PARD3B: variants seen among roughly 807,000 people sequenced by gnomAD.
PARD3B encodes the protein partitioning defective 3 homolog B.
PARD3B carries 103 observed loss-of-function variants against 130.2 expected under a neutral mutation model. That is an observed-to-expected ratio of 0.79 (90% confidence interval 0.67 to 0.93). The LOEUF (loss-of-function observed/expected upper bound fraction) is 0.93. PARD3B is among the 40% of genes least tolerant of loss of function. The probability of loss-of-function intolerance (pLI) is 0.00; values close to 1 mark genes in which losing one functional copy is unlikely to be tolerated. For synonymous variants in PARD3B, 583 were observed against 553.2 expected, an observed-to-expected ratio of 1.05 and a Z score of -0.76; for missense variants, 1,609 against 1,499.2, an observed-to-expected ratio of 1.07 and a Z score of -1.21.
Position 205,121,505 on chromosome 2 carries a change from C to A in PARD3B, c.807-86C>A. ...TCTCCTATGATTAGCCACTGTGCTG[C>A]TCTTGGTTGCCATCCTCCTGGGGTA... On this transcript the variant is annotated intron_variant, in intron 7 of 22. Transcript: ENST00000406610. The surrounding 1 kb of genome is among the most constrained non-coding windows in gnomAD (Gnocchi z 5.0). 8.6e-7 allele frequency: 1 copy of A among 1,160,652 alleles called. No individual in the cohort carries two copies. The highest frequency in any genetic ancestry group is 1.3e-6 in the Non-Finnish European group (1 of 796,828). 71.9% of individuals were successfully genotyped at this position (1,160,652 alleles called of 1,614,324 possible). A position where few individuals can be genotyped will look rare whatever the true frequency, so the allele number is the denominator to read the frequency against.
At chr2:205,502,975 G>A (rs1232014990) in intron 21 of PARD3B, among the ~76,000 whole-genome samples, 1 of 151,180 alleles carries the variant, frequency 6.6e-6, no homozygotes, top group African/African-American at 2.4e-5. Flanking sequence ...TTTCATGCCT[G>A]TCTTCTCTCC....
chr2:204,577,555 G>T (rs1413551064), intron 1 of PARD3B, among the ~76,000 whole-genome samples: 2 of 151,946 alleles, frequency 1.3e-5, no homozygotes, highest in African/African-American at 4.8e-5. Flanking sequence ...GTTTTTAAAG[G>T]GTTTTCTCAC....
chr2:205,516,992 C>T (rs1372366146), intron 21 of PARD3B, among the ~76,000 whole-genome samples: 2 of 152,192 alleles, frequency 1.3e-5, no homozygotes, highest in Non-Finnish European at 2.9e-5. Flanking sequence ...TGAATTTTAT[C>T]ATAAACCTTT....
At chr2:205,436,230 A>G (rs1377315768) in intron 19 of PARD3B, among the ~76,000 whole-genome samples, 1 of 152,164 alleles carries the variant, frequency 6.6e-6, no homozygotes, top group Non-Finnish European at 1.5e-5. Flanking sequence ...TAATACTACC[A>G]CAATGGAGAC....
At chr2:204,820,402 A>C (rs1269656118) in intron 2 of PARD3B, among the ~76,000 whole-genome samples, 1 of 151,964 alleles carries the variant, frequency 6.6e-6, no homozygotes, top group African/African-American at 2.4e-5. Flanking sequence ...TATGTAGACA[A>C]AACAGCTCTC....
chr2:205,310,823 A>G (rs1040925509), intron 18 of PARD3B, among the ~76,000 whole-genome samples: 1 of 143,722 alleles, frequency 7.0e-6, no homozygotes, highest in African/African-American at 2.6e-5. Flanking sequence ...TCCCGGGTTC[A>G]AGTGATTCTC....
chr2:205,156,007 C>T (rs1233856290), intron 10 of PARD3B, among the ~76,000 whole-genome samples: 1 of 151,956 alleles, frequency 6.6e-6, no homozygotes, highest in African/African-American at 2.4e-5. Flanking sequence ...GACTTGGAAC[C>T]AACCCAAATG....
chr2:205,213,154 C>G (rs2037734487), intron 15 of PARD3B, among the ~76,000 whole-genome samples: 1 of 152,064 alleles, frequency 6.6e-6, no homozygotes, highest in Non-Finnish European at 1.5e-5. Flanking sequence ...TCTCTCCACT[C>G]TTTTTTAAAT....
Position 205,618,936 on chromosome 2 carries a change from A to G in PARD3B, c.*3123A>G, listed in dbSNP as rs1370345956. 2 of 152,204 alleles carry G rather than the reference A, an allele frequency of 1.3e-5. No homozygotes were observed. The highest frequency in any genetic ancestry group is 1.9e-4 in the East Asian group (1 of 5,194). The allele number at this position is 152,204 out of a possible 1,614,324, so 9.4% of individuals were successfully genotyped here. A position where few individuals can be genotyped will look rare whatever the true frequency, so the allele number is the denominator to read the frequency against. On this transcript the variant is annotated 3_prime_UTR_variant, in exon 23 of 23. Coordinates refer to ENST00000406610, the MANE Select transcript of PARD3B (RefSeq NM_001302769.2). ...ATAGCAAACAAAAATTGAAAAAACAATTATTCTGAAGCTCATTATTCTTAG... is the reference window on the plus strand; with the variant it reads ...ATAGCAAACAAAAATTGAAAAAACAGTTATTCTGAAGCTCATTATTCTTAG...
chr2:205,547,484 GA>G (rs2052428590), intron 21 of PARD3B, among the ~76,000 whole-genome samples: 1 of 152,230 alleles, frequency 6.6e-6, no homozygotes, highest in South Asian at 2.1e-4. Context: ...GGATGTTAAA[GA>G]AAAAACTTCT....
chr2:205,030,550 G>C (rs77555927), intron 3 of PARD3B, among the ~76,000 whole-genome samples: 7,047 of 152,152 alleles, frequency 0.046, 223 homozygotes, highest in Middle Eastern at 0.14. Context: ...CTGCCAATAT[G>C]TTGACATAAA....
At chr2:205,499,799 C>G (rs2050090088) in intron 20 of PARD3B, 97 bp from the exon 21 acceptor site, 1 of 1,280,362 alleles carries the variant, frequency 7.8e-7, no homozygotes. Context: ...TTGAATCTTC[C>G]AAATTTAGAT....
intron 1 of PARD3B, among the ~76,000 whole-genome samples, chr2:204,604,590 C>T (rs1229683008): frequency 6.6e-6 from 1 of 152,094 alleles, no homozygotes; most frequent in Non-Finnish European, 1.5e-5. Flanking sequence ...AGTATTTAAA[C>T]TTTAATGTAA....
intron 20 of PARD3B, among the ~76,000 whole-genome samples, chr2:205,480,798 AG>A (rs1469494884): frequency 1.3e-5 from 2 of 152,196 alleles, no homozygotes; most frequent in Non-Finnish European, 2.9e-5. Context: ...TGATACATTC[AG>A]GGGGTGATCA....
intron 2 of PARD3B, among the ~76,000 whole-genome samples, chr2:204,711,751 T>G (rs370053939): frequency 2.0e-5 from 3 of 152,122 alleles, no homozygotes; most frequent in African/African-American, 7.2e-5. Flanking sequence ...TTTCGCCATG[T>G]TGACCAGGCT....
intron 2 of PARD3B, among the ~76,000 whole-genome samples, chr2:204,951,437 A>C (rs1329912797): frequency 6.6e-6 from 1 of 152,176 alleles, no homozygotes; most frequent in Non-Finnish European, 1.5e-5. Flanking sequence ...TACACCTCTG[A>C]CACCATTCTC....
chr2:204,920,249 A>G (rs1052922587), intron 2 of PARD3B, among the ~76,000 whole-genome samples: 1 of 152,170 alleles, frequency 6.6e-6, no homozygotes. Context: ...ACTTTCGAGC[A>G]TTGAGCTTGA....
intron 2 of PARD3B, among the ~76,000 whole-genome samples, chr2:204,777,188 A>G (rs2041657374): frequency 6.6e-6 from 1 of 152,204 alleles, no homozygotes; most frequent in Non-Finnish European, 1.5e-5. Flanking sequence ...GTAGAGACCA[A>G]ATAACTTTGA....
At chr2:205,046,736 A>G (rs1559385103) in intron 3 of PARD3B, among the ~76,000 whole-genome samples, 1 of 152,190 alleles carries the variant, frequency 6.6e-6, no homozygotes, top group Non-Finnish European at 1.5e-5. Flanking sequence ...AAGTACAAAA[A>G]TAAAACGCTA....
Sources: allele counts gnomAD v4.1 joint callset (sites outside exome capture counted in the v4.1 genomes callset), GRCh38; gene constraint gnomAD v4.1.1; non-coding constraint Gnocchi (gnomAD v3.1); transcripts MANE v1.5; gene names NCBI Gene and HGNC (gene_info 2026-07-23, HGNC 2026-07-21).